The following PRSS23 variants were observed in gnomAD, a reference collection of about 807,000 sequenced individuals.
PRSS23 encodes serine protease 23, also known as protease, serine 23.
In PRSS23, 25 loss-of-function variants were observed where a neutral mutation model predicts 34.7. The ratio of observed to expected loss-of-function variants is 0.72; its 90% CI spans 0.53 to 1.01. The LOEUF is 1.01. PRSS23 is among the 50% of genes least tolerant of loss of function. The probability of loss-of-function intolerance (pLI) is 0.00; values close to 1 mark genes in which losing one functional copy is unlikely to be tolerated. For synonymous variants in PRSS23, 176 were observed against 186.6 expected (o/e 0.94, Z 0.46); for missense variants, 445 against 475.6 (o/e 0.94, Z 0.60).
chr11:86,807,808 C>T lies in PRSS23; in HGVS notation c.165C>T (p.Ala55=), dbSNP rs754822088. ...ATTTAGCCAAGCCAGACTTTGGAGCCGAAGCCAAATTAGAAGTATCTTCTT... is the reference window on the plus strand; with the variant it reads ...ATTTAGCCAAGCCAGACTTTGGAGCTGAAGCCAAATTAGAAGTATCTTCTT... ...TLNLAKPDFG[A]EAKLEVSSSC... Residue 55 remains alanine, a synonymous_variant, in exon 2 of 2, where the codon GCC becomes GCT. Coordinates refer to ENST00000280258, the MANE Select transcript of PRSS23 (RefSeq NM_007173.6). The T allele has an allele frequency of 5.6e-5, 91 of 1,613,936 alleles. No individual in the cohort carries two copies. The highest frequency in any genetic ancestry group is 6.3e-5 in the Non-Finnish European group (74 of 1,180,030).
At chr11:86,883,930 T>A (rs1330859660) in intron 2 of PRSS23, among the ~76,000 whole-genome samples, 2 of 150,666 alleles carry the variant, frequency 1.3e-5, no homozygotes, top group East Asian at 4.0e-4. Context: ...CAGCCCAAAA[T>A]CGAACTAACT....
At chr11:86,818,815 G>A (rs1948233073) in intron 1 of PRSS23, among the ~76,000 whole-genome samples, 3 of 152,192 alleles carry the variant, frequency 2.0e-5, no homozygotes, top group Admixed American at 2.0e-4. Flanking sequence ...ATGAGGGTGA[G>A]CAACGTGCAA....
intron 2 of PRSS23, among the ~76,000 whole-genome samples, chr11:86,861,191 G>C (rs994179236): frequency 6.6e-6 from 1 of 150,472 alleles, no homozygotes; most frequent in African/African-American, 2.5e-5. Flanking sequence ...GTCACGGGGG[G>C]TGTCCACCCT....
chr11:86,879,284 G>A (rs1394388212), intron 2 of PRSS23, among the ~76,000 whole-genome samples: 3 of 137,392 alleles, frequency 2.2e-5, no homozygotes, highest in Admixed American at 7.1e-5. Flanking sequence ...GACCCCGTCT[G>A]GGAGGTGAGG....
At chr11:86,884,761 C>G (rs1219711079) in intron 2 of PRSS23, among the ~76,000 whole-genome samples, 1 of 152,210 alleles carries the variant, frequency 6.6e-6, no homozygotes, top group Non-Finnish European at 1.5e-5. Flanking sequence ...TCATATCTTA[C>G]TCTGTTCATC....
chr11:86,904,532 G>C (rs1489536249), intron 2 of PRSS23, among the ~76,000 whole-genome samples: 1 of 152,102 alleles, frequency 6.6e-6, no homozygotes, highest in African/African-American at 2.4e-5. Context: ...TCAACTCCCA[G>C]GTGGTGCTAT....
chr11:86,823,704 T>A, intron 2 of PRSS23: 1 of 659,216 alleles, frequency 1.5e-6, no homozygotes, highest in Non-Finnish European at 2.8e-6. Context: ...GTCACATTGG[T>A]TTCATCAAGA....
In PRSS23 at chr11:86,809,458, C is replaced by A. The variant is rs1015901528; in HGVS notation, c.*663C>A. ...CTGCTTTTAGTTCCAAAAATAGTTT[C>A]TTTTCCAAAGGTTGTTGCTCTACTT... On this transcript the variant is annotated 3_prime_UTR_variant, in exon 2 of 2. Coordinates refer to ENST00000280258, the MANE Select transcript of PRSS23 (RefSeq NM_007173.6). The A allele has an allele frequency of 6.0e-6, 1 of 167,054 alleles. No homozygotes were observed. Among genetic ancestry groups the A allele is most frequent in the African/African-American group, 2.4e-5 (1 of 41,424 alleles). 10.3% of individuals were successfully genotyped at this position (167,054 alleles called of 1,614,324 possible).
intron 1 of PRSS23, among the ~76,000 whole-genome samples, chr11:86,793,456 T>C (rs181064508): frequency 6.6e-6 from 1 of 152,204 alleles, no homozygotes; most frequent in African/African-American, 2.4e-5. Context: ...TCATAAATCA[T>C]GGACAAATGG....
chr11:86,849,788 A>C (rs1948515402), intron 2 of PRSS23, among the ~76,000 whole-genome samples: 1 of 152,102 alleles, frequency 6.6e-6, no homozygotes, highest in Non-Finnish European at 1.5e-5. Flanking sequence ...AGAATAGTTC[A>C]CTGTTCTGCA....
chr11:86,795,146 A>T (rs1228706945), intron 1 of PRSS23, among the ~76,000 whole-genome samples: 4 of 152,162 alleles, frequency 2.6e-5, no homozygotes, highest in Non-Finnish European at 4.4e-5. Flanking sequence ...TAACAGTTTG[A>T]TTTATTCATT....
At chr11:86,826,988 C>T (rs948453875) in intron 2 of PRSS23, among the ~76,000 whole-genome samples, 6 of 152,108 alleles carry the variant, frequency 3.9e-5, no homozygotes, top group African/African-American at 1.4e-4. Flanking sequence ...GCTTTGGTAT[C>T]AGGATGATGC....
intron 2 of PRSS23, among the ~76,000 whole-genome samples, chr11:86,834,158 C>T (rs1480155219): frequency 6.6e-6 from 1 of 152,210 alleles, no homozygotes; most frequent in Admixed American, 6.5e-5. Flanking sequence ...TTCACAGGCC[C>T]TGACCATCTG....
chr11:86,808,407 C>A lies in PRSS23; in HGVS notation c.764C>A (p.Pro255His). Reference sequence around the variant, plus strand: ...TATGCCCTCCTGGAACTCAAAAAGCCCCACAAGAGAAAATTTATGAAGATT... The same window carrying A: ...TATGCCCTCCTGGAACTCAAAAAGCACCACAAGAGAAAATTTATGAAGATT... The part of the protein sequence containing the change: ...YDYALLELKK[P>H]HKRKFMKIGV... Residue 255 changes from proline to histidine, a missense_variant, in exon 2 of 2, where the codon CCC becomes CAC. Transcript: ENST00000280258. The A allele has an allele frequency of 1.2e-6, 2 of 1,614,186 alleles. No homozygotes were observed. Among genetic ancestry groups the A allele is most frequent in the Non-Finnish European group, 1.7e-6 (2 of 1,180,046 alleles).
chr11:86,915,448 C>T (rs1335619573), intron 2 of PRSS23, among the ~76,000 whole-genome samples: 2 of 151,536 alleles, frequency 1.3e-5, no homozygotes, highest in African/African-American at 2.4e-5. Context: ...AATGTCTACT[C>T]TGGAGGCTTA....
intron 2 of PRSS23, among the ~76,000 whole-genome samples, chr11:86,890,728 T>C (rs1228855521): frequency 6.6e-6 from 1 of 152,002 alleles, no homozygotes; most frequent in African/African-American, 2.4e-5. Context: ...GTGAAAATGC[T>C]ATATAAACTG....
At chr11:86,804,293 ATCAG>A (rs1426617002) in intron 1 of PRSS23, among the ~76,000 whole-genome samples, 3 of 152,208 alleles carry the variant, frequency 2.0e-5, no homozygotes, top group Non-Finnish European at 4.4e-5. Context: ...TCTAAGCCTA[ATCAG>A]TTTGAAGTAA....
At chr11:86,905,470 C>T (rs187209129) in intron 2 of PRSS23, among the ~76,000 whole-genome samples, 162 of 152,166 alleles carry the variant, frequency 1.1e-3, no homozygotes, top group Non-Finnish European at 9.7e-4. Context: ...TGTTATTTCC[C>T]GCCACAAGCA....
At chr11:86,921,536 G>A (rs1256031600) in intron 2 of PRSS23, 2 of 152,172 alleles carry the variant, frequency 1.3e-5, no homozygotes, top group Non-Finnish European at 2.9e-5. Flanking sequence ...AATGTTTCAG[G>A]ATGTGATCTA....
Sources: gnomAD v4.1 joint callset for allele counts (sites outside exome capture counted in the v4.1 genomes callset) on GRCh38, gnomAD v4.1.1 for gene constraint, MANE v1.5 for transcripts, NCBI Gene and HGNC (gene_info 2026-07-23, HGNC 2026-07-21) for gene names.